Variants in CYSLTR1 observed in about 807,000 individuals in gnomAD.
CYSLTR1 encodes the protein cysteinyl leukotriene receptor 1.
In CYSLTR1, 1 loss-of-function variant was observed where a neutral mutation model predicts 2.1. The ratio of observed to expected loss-of-function variants is 0.48; its 90% CI spans 0.17 to 2.28. The LOEUF (loss-of-function observed/expected upper bound fraction) is 2.28, where lower values mean the gene tolerates loss of function less well. Ranked by LOEUF, CYSLTR1 falls within the 30% of genes most tolerant of loss-of-function variation. The pLI is 0.26. For synonymous variants in CYSLTR1, 110 were observed against 89.6 expected, an observed-to-expected ratio of 1.23 and a Z score of -1.28; for missense variants, 299 against 250.1, an observed-to-expected ratio of 1.20 and a Z score of -1.32.
intron 1 of CYSLTR1, among the ~76,000 whole-genome samples, chrX:78,315,706 C>A (rs1923389796): frequency 8.9e-6 from 1 of 111,797 alleles, no homozygotes; most frequent in African/African-American, 3.3e-5. Flanking sequence ...GGAAGGACTG[C>A]ATTTTGTAAT....
chrX:78,273,909 G>T (rs1399659226), intron 2 of CYSLTR1, 136 bp from the exon 3 acceptor site: 4 of 528,751 alleles, frequency 7.6e-6, no homozygotes, highest in African/African-American at 2.4e-5. Flanking sequence ...ATTGAGGAGG[G>T]ATTCAGCTGT....
intron 1 of CYSLTR1, among the ~76,000 whole-genome samples, chrX:78,288,918 T>C (rs1299733329): frequency 9.2e-6 from 1 of 108,882 alleles, no homozygotes; most frequent in Non-Finnish European, 1.9e-5. Context: ...AGTTAAATTG[T>C]TTTGATTTTT....
Position 78,272,206 on chromosome X carries a change from A to G in CYSLTR1, c.*527T>C, listed in dbSNP as rs531998387. ...ATTCTCTTTTGGAAGAAATGGCCCT[A>G]ATTTGCCTAGCGAATCAGTACTACA... On this transcript the variant is annotated 3_prime_UTR_variant, in exon 3 of 3. Coordinates refer to ENST00000373304, the MANE Select transcript of CYSLTR1 (RefSeq NM_006639.4). 1.8e-5 allele frequency: 2 copies of G among 111,724 alleles called. No homozygotes were observed. The highest frequency in any genetic ancestry group is 3.7e-4 in the South Asian group (1 of 2,696). The allele number at this position is 111,724 out of a possible 1,213,427, so 9.2% of individuals were successfully genotyped here.
chrX:78,318,929 T>C (rs1460207332), intron 1 of CYSLTR1: 1 of 108,071 alleles, frequency 9.3e-6, no homozygotes, highest in Non-Finnish European at 1.9e-5. Context: ...TATCTCATTA[T>C]GCCTTAGCTA....
At chrX:78,278,004 C>T (rs1385311282) in intron 2 of CYSLTR1, among the ~76,000 whole-genome samples, 1 of 111,597 alleles carries the variant, frequency 9.0e-6, no homozygotes, top group Non-Finnish European at 1.9e-5. Flanking sequence ...CAAGTTGAAA[C>T]CCAATTCAAA....
intron 1 of CYSLTR1, among the ~76,000 whole-genome samples, chrX:78,302,183 T>C (rs1027112726): frequency 8.9e-5 from 10 of 112,042 alleles, no homozygotes; most frequent in African/African-American, 2.9e-4. Flanking sequence ...CCTCACCCCA[T>C]GGTCACTGCC....
At chrX:78,317,850 C>T (rs980607788) in intron 1 of CYSLTR1, among the ~76,000 whole-genome samples, 5 of 111,468 alleles carry the variant, frequency 4.5e-5, no homozygotes, top group African/African-American at 1.3e-4. Context: ...GGAGTGAGGG[C>T]TAAAAGACTA....
rs1603411485 is a variant in CYSLTR1, at chrX:78,306,465, C to T, written c.-115+20840G>A. Reference sequence around the variant, plus strand: ...ACGCACGAGCCACTGCACCCAGCCTCCATTGAGGGTTTTTAGTTTTATTCT... The same window carrying T: ...ACGCACGAGCCACTGCACCCAGCCTTCATTGAGGGTTTTTAGTTTTATTCT... On this transcript the variant is annotated intron_variant, in intron 1 of 2. Coordinates refer to ENST00000373304, the MANE Select transcript of CYSLTR1 (RefSeq NM_006639.4). Among the ~76,000 whole-genome samples the T allele has an allele frequency of 2.7e-5, 3 of 111,460 alleles. No individual in the cohort carries two copies. In the East Asian group the frequency reaches 8.5e-4, roughly 31 times the overall value.
chrX:78,308,982 G>A (rs1923127818), intron 1 of CYSLTR1, among the ~76,000 whole-genome samples: 1 of 111,696 alleles, frequency 9.0e-6, no homozygotes, highest in Non-Finnish European at 1.9e-5. Context: ...CTCAATTATA[G>A]GCAAGGAAAG....
At chrX:78,288,430 T>C (rs1200021113) in intron 1 of CYSLTR1, among the ~76,000 whole-genome samples, 1 of 111,664 alleles carries the variant, frequency 9.0e-6, no homozygotes, top group African/African-American at 3.3e-5. Flanking sequence ...CCATTCTTGA[T>C]CCTTTTAACC....
chrX:78,311,424 G>A (rs1448465268), intron 1 of CYSLTR1, among the ~76,000 whole-genome samples: 1 of 111,697 alleles, frequency 9.0e-6, no homozygotes. Flanking sequence ...GGGCCACAGA[G>A]CAAATGTTAT....
At chrX:78,291,540 C>T (rs1174274275) in intron 1 of CYSLTR1, among the ~76,000 whole-genome samples, 1 of 111,265 alleles carries the variant, frequency 9.0e-6, no homozygotes, top group African/African-American at 3.3e-5. Context: ...AGGAATGGTA[C>T]CAGCTCCTGT....
chrX:78,296,231 T>A (rs1922567771), intron 1 of CYSLTR1, among the ~76,000 whole-genome samples: 1 of 111,638 alleles, frequency 9.0e-6, no homozygotes, highest in Non-Finnish European at 1.9e-5. Flanking sequence ...TGTTTCTGGG[T>A]TCTCTATTCT....
intron 1 of CYSLTR1, among the ~76,000 whole-genome samples, chrX:78,299,976 G>A (rs1158442988): frequency 3.7e-5 from 4 of 108,370 alleles, no homozygotes; most frequent in African/African-American, 1.0e-4. Flanking sequence ...ATGCTTCATT[G>A]TTTTTTATTA....
rs767110503 is a variant in CYSLTR1 at position 78,273,569 on chromosome X, C to T, written c.178G>A (p.Val60Ile). 4 of 1,211,515 alleles carry T rather than the reference C, an allele frequency of 3.3e-6. No individual in the cohort carries two copies. The highest frequency in any genetic ancestry group is 4.5e-6 in the Non-Finnish European group (4 of 895,490). The stretch of plus-strand genomic sequence containing the variant: ...GCTACTGCTAAATTAATCATGTATA[C>T]TTGGAAGGCTGACTTCTTGTGATAG... ...KTYHKKSAFQVYMINLAVADL... is the reference protein window; with the variant it reads ...KTYHKKSAFQIYMINLAVADL... The change falls in exon 3 of 3, where the codon GTA (valine) becomes ATA (isoleucine). Residue 60 changes from valine to isoleucine, a missense_variant. By Grantham distance (29) the Val-to-Ile change is conservative. Transcript: ENST00000373304.
chrX:78,310,016 G>A (rs1923161266), intron 1 of CYSLTR1, among the ~76,000 whole-genome samples: 1 of 111,615 alleles, frequency 9.0e-6, no homozygotes, highest in Non-Finnish European at 1.9e-5. Context: ...TTACAATGTG[G>A]GAATACTGTT....
chrX:78,280,659 T>A (rs1921804680), intron 2 of CYSLTR1, among the ~76,000 whole-genome samples: 2 of 110,829 alleles, frequency 1.8e-5, no homozygotes, highest in African/African-American at 6.6e-5. Flanking sequence ...CAATCATTTG[T>A]TGTACAGATT....
At chrX:78,314,300 C>A (rs887744773) in intron 1 of CYSLTR1, among the ~76,000 whole-genome samples, 6 of 111,666 alleles carry the variant, frequency 5.4e-5, no homozygotes, top group Admixed American at 2.8e-4. Flanking sequence ...TCTGTTTTCA[C>A]TTAATTTGTC....
chrX:78,319,426 C>T (rs978919672), intron 1 of CYSLTR1: 2 of 109,756 alleles, frequency 1.8e-5, no homozygotes, highest in Non-Finnish European at 3.8e-5. Flanking sequence ...CATCCCTGTC[C>T]CTACAAAAGA....
Sources: allele counts gnomAD v4.1 joint callset (sites outside exome capture counted in the v4.1 genomes callset), GRCh38; gene constraint gnomAD v4.1.1; transcripts MANE v1.5; gene names NCBI Gene and HGNC (gene_info 2026-07-23, HGNC 2026-07-21).